ZNF80: variants seen among roughly 807,000 people sequenced by gnomAD.
ZNF80 encodes the protein ZNFPT17.
For missense variants in ZNF80, 394 were observed against 334.1 expected (o/e 1.18, Z -1.40); for synonymous variants, 132 against 119.4 (o/e 1.11, Z -0.69).
rs2078203612 is a variant in ZNF80, at chr3:114,236,585, T to G, written c.490A>C (p.Lys164Gln). 6.2e-7 allele frequency: 1 copy of G among 1,613,882 alleles called. No homozygotes were observed. Among genetic ancestry groups the G allele is most frequent in the Admixed American group, 1.7e-5 (1 of 59,996 alleles). The change falls in exon 1 of 1, where the codon AAA becomes CAA. Residue 164 changes from lysine to glutamine, a missense_variant. Transcript: ENST00000482457. ...THTGEKLFGC[K>Q]ECGKTFYYNS... is the part of the protein sequence containing the mutation. ...TAGTAAAAGGTTTTTCCACATTCTT[T>G]GCACCCAAAGAGTTTTTCTCCAGTG... is the stretch of plus-strand genomic sequence containing the variant.
Position 114,236,760 on chromosome 3 carries a change from A to C in ZNF80, c.315T>G (p.Cys105Trp), listed in dbSNP as rs748223184. The change falls in exon 1 of 1, where the codon TGT becomes TGG. Residue 105 changes from cysteine (C) to tryptophan (W), a missense_variant. Coordinates refer to ENST00000482457, the MANE Select transcript of ZNF80 (RefSeq NM_007136.4). ...AGACCTTCCCGCACTCCACGCACTT[A>C]CAGGGCTTCTCCCCTGTGTGAATCC... is the stretch of plus-strand genomic sequence containing the variant. Reference protein sequence around the residue: ...PMRIHTGEKPCKCVECGKVFN... With the variant: ...PMRIHTGEKPWKCVECGKVFN... 6.2e-7 allele frequency: 1 copy of C among 1,614,034 alleles called. No homozygotes were observed. Among genetic ancestry groups the C allele is most frequent in the African/African-American group, 1.3e-5 (1 of 75,004 alleles).
At position 114,235,483 on chromosome 3, in the gene ZNF80, A is replaced by T. The variant is rs2078197386; in HGVS notation, c.*770T>A. The T allele has an allele frequency of 1.3e-5, 2 of 152,144 alleles. No individual in the cohort carries two copies. The highest frequency in any genetic ancestry group is 4.8e-5 in the African/African-American group (2 of 41,464). The allele number at this position is 152,144 out of a possible 1,614,324, so 9.4% of individuals were successfully genotyped here. A position where few individuals can be genotyped will look rare whatever the true frequency, so the allele number is the denominator to read the frequency against. ...TCAATGTGGTTACTTACCTCCTCAG[A>T]TATGAAAGGATTTTATATGGCAGTA... is the stretch of plus-strand genomic sequence containing the variant. On this transcript the variant is annotated 3_prime_UTR_variant, in exon 1 of 1. Transcript: ENST00000482457.
Position 114,236,443 on chromosome 3 carries a change from T to C in ZNF80, c.632A>G (p.His211Arg). Residue 211 changes from histidine to arginine, a missense_variant, in exon 1 of 1, where the codon CAC becomes CGC. By Grantham distance (29) the His-to-Arg change is conservative. Transcript: ENST00000482457. ...RSVFFRHSMT[H>R]TAGKPYECKE... ...GCACTCGTAGGGCTTTCCTGCAGTGTGGGTCATACTATGTCGGAAGAAAAC... is the reference window on the plus strand; with the variant it reads ...GCACTCGTAGGGCTTTCCTGCAGTGCGGGTCATACTATGTCGGAAGAAAAC... 6.2e-7 allele frequency: 1 copy of C among 1,612,612 alleles called. No homozygotes were observed. The highest frequency in any genetic ancestry group is 8.5e-7 in the Non-Finnish European group (1 of 1,178,804).
At position 114,236,752 on chromosome 3, in the gene ZNF80, A is replaced by G; in HGVS notation, c.323T>C (p.Val108Ala). ...IHTGEKPCKC[V>A]ECGKVFNRRS... is the part of the protein sequence containing the mutation. ...GCGGTTGAAGACCTTCCCGCACTCCACGCACTTACAGGGCTTCTCCCCTGT... is the reference window on the plus strand; with the variant it reads ...GCGGTTGAAGACCTTCCCGCACTCCGCGCACTTACAGGGCTTCTCCCCTGT... The change falls in exon 1 of 1, where the codon GTG (valine) becomes GCG (alanine). Residue 108 changes from valine (V) to alanine (A), a missense_variant. Coordinates refer to ENST00000482457, the MANE Select transcript of ZNF80 (RefSeq NM_007136.4). 1 of 1,613,990 alleles carries G rather than the reference A, an allele frequency of 6.2e-7. No individual in the cohort carries two copies. Among genetic ancestry groups the G allele is most frequent in the Non-Finnish European group, 8.5e-7 (1 of 1,179,976 alleles).
chr3:114,234,861 T>C lies in ZNF80; in HGVS notation c.*1392A>G, dbSNP rs1576113443. ...TGAAACTTTCTCTTTTACTAAATAC[T>C]GTATCTTAGAGATGTTTTGATATCA... On this transcript the variant is annotated 3_prime_UTR_variant, in exon 1 of 1. Coordinates refer to ENST00000482457, the MANE Select transcript of ZNF80 (RefSeq NM_007136.4). 6.6e-6 allele frequency: 1 copy of C among 152,240 alleles called. No individual in the cohort carries two copies. Among genetic ancestry groups the C allele is most frequent in the East Asian group, 1.9e-4 (1 of 5,204 alleles). 9.4% of individuals were successfully genotyped at this position (152,240 alleles called of 1,614,324 possible). A position where few individuals can be genotyped will look rare whatever the true frequency, so the allele number is the denominator to read the frequency against.
rs2078194033 is a variant in ZNF80, at chr3:114,234,850, T to C, written c.*1403A>G. On this transcript the variant is annotated 3_prime_UTR_variant, in exon 1 of 1. Coordinates refer to ENST00000482457, the MANE Select transcript of ZNF80 (RefSeq NM_007136.4). ...GTTTTATTTCCTGAAACTTTCTCTT[T>C]TACTAAATACTGTATCTTAGAGATG... The C allele has an allele frequency of 6.6e-6, 1 of 152,264 alleles. No individual in the cohort carries two copies. Among genetic ancestry groups the C allele is most frequent in the Non-Finnish European group, 1.5e-5 (1 of 68,044 alleles). The allele number at this position is 152,264 out of a possible 1,614,324, so 9.4% of individuals were successfully genotyped here.
rs1220274738 is a variant in ZNF80 at position 114,236,378 on chromosome 3, T to G, written c.697A>C (p.Thr233Pro). The G allele has an allele frequency of 6.2e-7, 1 of 1,612,482 alleles. No individual in the cohort carries two copies. The highest frequency in any genetic ancestry group is 2.2e-5 in the East Asian group (1 of 44,840). ...GKGFYYSYSLTRHTRSHTGEK... is the reference protein window; with the variant it reads ...GKGFYYSYSLPRHTRSHTGEK... ...CCAGTGTGACTCCTTGTATGTCGAGTGAGGGAATAGCTGTAGTAAAAACCT... is the reference window on the plus strand; with the variant it reads ...CCAGTGTGACTCCTTGTATGTCGAGGGAGGGAATAGCTGTAGTAAAAACCT... Residue 233 changes from threonine to proline, a missense_variant, in exon 1 of 1, where the codon ACT (threonine) becomes CCT (proline). By Grantham distance (38) the Thr-to-Pro change is conservative (BLOSUM62 -1). Transcript: ENST00000482457.
At position 114,237,023 on chromosome 3, in the gene ZNF80, C is replaced by T; in HGVS notation, c.52G>A (p.Val18Ile). Reference sequence around the variant, plus strand: ...CCTGTGGAGACCTGCTCCTGTAAAACCTGTGAGTGCAGACCATCACCTGTC... The same window carrying T: ...CCTGTGGAGACCTGCTCCTGTAAAATCTGTGAGTGCAGACCATCACCTGTC... ...LGTGDGLHSQ[V>I]LQEQVSTGDN... The change falls in exon 1 of 1, where the codon GTT (valine) becomes ATT (isoleucine). Residue 18 changes from valine (V) to isoleucine (I), a missense_variant. By Grantham distance (29) the Val-to-Ile change is conservative. Transcript: ENST00000482457. 6.2e-7 allele frequency: 1 copy of T among 1,612,902 alleles called. No individual in the cohort carries two copies. Among genetic ancestry groups the T allele is most frequent in the Non-Finnish European group, 8.5e-7 (1 of 1,179,308 alleles).
Position 114,237,070 on chromosome 3 carries a change from C to T in ZNF80, c.5G>A (p.Ser2Asn). ...TGTCCCCAACCCATCGCGTTTAGGG[C>T]TCATCTTCCTCCAGAAGGTCTCCGT... M[S>N]PKRDGLGTGD... The change falls in exon 1 of 1, where the codon AGC becomes AAC. Residue 2 changes from serine to asparagine, a missense_variant. Ser to Asn is a conservative substitution (Grantham distance 46). Transcript: ENST00000482457. The T allele has an allele frequency of 1.9e-6, 3 of 1,582,830 alleles. No individual in the cohort carries two copies. The highest frequency in any genetic ancestry group is 2.6e-6 in the Non-Finnish European group (3 of 1,164,444).
Position 114,235,928 on chromosome 3 carries a change from A to G in ZNF80, c.*325T>C. On this transcript the variant is annotated 3_prime_UTR_variant, in exon 1 of 1. Coordinates refer to ENST00000482457, the MANE Select transcript of ZNF80 (RefSeq NM_007136.4). ...TTCTTTTAAGTGCACAATAACCAAC[A>G]GGTCTCCCTCCTGGAAAAATTCTCA... 1 of 218,268 alleles carries G rather than the reference A, an allele frequency of 4.6e-6. No individual in the cohort carries two copies. Among genetic ancestry groups the G allele is most frequent in the Non-Finnish European group, 9.1e-6 (1 of 110,318 alleles). 13.5% of individuals were successfully genotyped at this position (218,268 alleles called of 1,614,324 possible).
chr3:114,236,372 G>A lies in ZNF80; in HGVS notation c.703C>T (p.His235Tyr), dbSNP rs778278023. Residue 235 changes from histidine (H) to tyrosine (Y), a missense_variant, in exon 1 of 1, where the codon CAT (histidine) becomes TAT (tyrosine). Transcript: ENST00000482457. Reference protein sequence around the residue: ...GFYYSYSLTRHTRSHTGEKPY... With the variant: ...GFYYSYSLTRYTRSHTGEKPY... ...TTCTCTCCAGTGTGACTCCTTGTAT[G>A]TCGAGTGAGGGAATAGCTGTAGTAA... 3.6e-5 allele frequency: 58 copies of A among 1,612,566 alleles called. No homozygotes were observed. The highest frequency in any genetic ancestry group is 4.7e-5 in the Non-Finnish European group (55 of 1,179,042).
In ZNF80 at chr3:114,236,878, C is replaced by T. The variant is rs759825872; in HGVS notation, c.197G>A (p.Arg66Gln). ...SVFNKNSLLV[R>Q]HQQIHTGVKP... is the part of the protein sequence containing the mutation. ...CACCCCAGTGTGAATCTGCTGATGTCGAACAAGGAGGCTGTTTTTGTTAAA... is the reference window on the plus strand; with the variant it reads ...CACCCCAGTGTGAATCTGCTGATGTTGAACAAGGAGGCTGTTTTTGTTAAA... The change falls in exon 1 of 1, where the codon CGA becomes CAA. Residue 66 changes from arginine to glutamine, a missense_variant. Physicochemically the swap from Arg to Gln is conservative, Grantham distance 43 (BLOSUM62 1). Transcript: ENST00000482457. 5.8e-5 allele frequency: 94 copies of T among 1,614,078 alleles called. No individual in the cohort carries two copies. Among genetic ancestry groups the T allele is most frequent in the Non-Finnish European group, 5.6e-5 (66 of 1,180,040 alleles).
In ZNF80 at chr3:114,236,266, C is replaced by T; in HGVS notation, c.809G>A (p.Gly270Glu). Residue 270 changes from glycine (G) to glutamate (E), a missense_variant, in exon 1 of 1, where the codon GGA becomes GAA. By Grantham distance (98) the Gly-to-Glu change is moderately conservative. Transcript: ENST00000482457. ...CATCATTTGCACTCAAAGGTTTTTT[C>T]CTCCAGAGTGGATCTTACTCTGTTG... ...FAQQSKIHSG[G>E]KNL 1.3e-6 allele frequency: 2 copies of T among 1,568,826 alleles called. No homozygotes were observed. The highest frequency in any genetic ancestry group is 1.7e-6 in the Non-Finnish European group (2 of 1,161,378).
In ZNF80 at chr3:114,236,129, G is replaced by T. The variant is rs1343562081; in HGVS notation, c.*124C>A. 3 of 695,598 alleles carry T rather than the reference G, an allele frequency of 4.3e-6. No individual in the cohort carries two copies. In the East Asian group the frequency reaches 7.6e-5, roughly 18 times the overall value. 43.1% of individuals were successfully genotyped at this position (695,598 alleles called of 1,614,324 possible). A position where few individuals can be genotyped will look rare whatever the true frequency, so the allele number is the denominator to read the frequency against. On this transcript the variant is annotated 3_prime_UTR_variant, in exon 1 of 1. Coordinates refer to ENST00000482457, the MANE Select transcript of ZNF80 (RefSeq NM_007136.4). ...AAGGAATTCTTCAATGCCAAGTGAG[G>T]ATGAGCTGCAGGTCACAGCTTTCCT...
chr3:114,237,132 A>G lies in ZNF80; in HGVS notation c.-58T>C, dbSNP rs868818789. 1.4e-6 allele frequency: 2 copies of G among 1,476,982 alleles called. No individual in the cohort carries two copies. The highest frequency in any genetic ancestry group is 1.3e-5 in the South Asian group (1 of 76,436). 91.5% of individuals were successfully genotyped at this position (1,476,982 alleles called of 1,614,324 possible). The stretch of plus-strand genomic sequence containing the variant: ...CAGCCAAACTCAAGTGCCCTTCTGC[A>G]TTTCCAACTGTGTCCGGAATTGGTG... On this transcript the variant is annotated 5_prime_UTR_variant, in exon 1 of 1. It removes an upstream start codon present in the reference 5' UTR. Transcript: ENST00000482457.
In ZNF80 at chr3:114,235,600, T is replaced by C. The variant is rs2078197972; in HGVS notation, c.*653A>G. ...AGACTTACATTCCTCAGGAGTACAATGTTTTAGAACAAAGAATGCATTCAA... is the reference window on the plus strand; with the variant it reads ...AGACTTACATTCCTCAGGAGTACAACGTTTTAGAACAAAGAATGCATTCAA... On this transcript the variant is annotated 3_prime_UTR_variant, in exon 1 of 1. Coordinates refer to ENST00000482457, the MANE Select transcript of ZNF80 (RefSeq NM_007136.4). The C allele has an allele frequency of 6.6e-6, 1 of 152,254 alleles. No individual in the cohort carries two copies. The highest frequency in any genetic ancestry group is 2.4e-5 in the African/African-American group (1 of 41,472). The allele number at this position is 152,254 out of a possible 1,614,324, so 9.4% of individuals were successfully genotyped here.
rs978020812 is a variant in ZNF80, at chr3:114,236,171, G to C, written c.*82C>G. ...AGCTTTCCTACTGCCACTGAATTCA[G>C]AGTGCTTCTCCTCAGTGTGGCTCTC... On this transcript the variant is annotated 3_prime_UTR_variant, in exon 1 of 1. Transcript: ENST00000482457. 4.8e-6 allele frequency: 5 copies of C among 1,035,860 alleles called. No homozygotes were observed. The highest frequency in any genetic ancestry group is 7.0e-6 in the Non-Finnish European group (5 of 710,466). The allele number at this position is 1,035,860 out of a possible 1,614,324, so 64.2% of individuals were successfully genotyped here. A position where few individuals can be genotyped will look rare whatever the true frequency, so the allele number is the denominator to read the frequency against.
At position 114,236,481 on chromosome 3, in the gene ZNF80, G is replaced by A; in HGVS notation, c.594C>T (p.Phe198=). The A allele has an allele frequency of 1.2e-6, 2 of 1,612,788 alleles. No homozygotes were observed. Among genetic ancestry groups the A allele is most frequent in the Non-Finnish European group, 1.7e-6 (2 of 1,178,890 alleles). ...PCKCSECGKT[F]TYRSVFFRHS... is the part of the protein sequence containing the mutation. ...GTCGGAAGAAAACAGAGCGGTAGGT[G>A]AAGGTCTTCCCGCACTCACTGCACT... is the stretch of plus-strand genomic sequence containing the variant. The change falls in exon 1 of 1, where the codon TTC becomes TTT. Residue 198 remains phenylalanine (F), a synonymous_variant. Transcript: ENST00000482457.
rs2078200870 is a variant in ZNF80, at chr3:114,236,198, A to G, written c.*55T>C. Reference sequence around the variant, plus strand: ...GTGCTTCTCCTCAGTGTGGCTCTCTATGTATCAAAGAAAAAAAAAAAAAGA... The same window carrying G: ...GTGCTTCTCCTCAGTGTGGCTCTCTGTGTATCAAAGAAAAAAAAAAAAAGA... On this transcript the variant is annotated 3_prime_UTR_variant, in exon 1 of 1. Transcript: ENST00000482457. 1.5e-6 allele frequency: 2 copies of G among 1,326,508 alleles called. No homozygotes were observed. Among genetic ancestry groups the G allele is most frequent in the African/African-American group, 1.7e-5 (1 of 58,450 alleles). 82.2% of individuals were successfully genotyped at this position (1,326,508 alleles called of 1,614,324 possible). A position where few individuals can be genotyped will look rare whatever the true frequency, so the allele number is the denominator to read the frequency against.
Sources: gnomAD v4.1 joint callset for allele counts on GRCh38, gnomAD v4.1.1 for gene constraint, MANE v1.5 for transcripts, NCBI Gene and HGNC (gene_info 2026-07-23, HGNC 2026-07-21) for gene names.